STT3B: variants seen among roughly 807,000 people sequenced by gnomAD.
STT3B encodes STT3 oligosaccharyltransferase complex catalytic subunit B, also known as dolichyl-diphosphooligosaccharide--protein glycosyltransferase subunit STT3B.
A neutral mutation model predicts 96.8 loss-of-function variants in STT3B; 29 were observed. That is an observed-to-expected ratio of 0.30 (90% CI 0.22 to 0.41). The LOEUF (loss-of-function observed/expected upper bound fraction) is 0.41. Among genes scored for constraint, STT3B ranks in the 10% least tolerant of loss-of-function variants. STT3B has a pLI of 1.00. For synonymous variants in STT3B, 367 were observed against 360.0 expected (o/e 1.02, Z -0.22); for missense variants, 640 against 1,022.3 (o/e 0.63, Z 5.10).
chr3:31,537,223 T>C (rs556713050), intron 1 of STT3B, among the ~76,000 whole-genome samples: 1 of 152,334 alleles, frequency 6.6e-6, no homozygotes, highest in African/African-American at 2.4e-5. Flanking sequence ...TGATAAACCT[T>C]TGGAACATAA....
chr3:31,534,562 T>C (rs1284730754), intron 1 of STT3B, among the ~76,000 whole-genome samples: 1 of 152,150 alleles, frequency 6.6e-6, no homozygotes, highest in African/African-American at 2.4e-5. Flanking sequence ...GAGAGAGTCT[T>C]TTTTGAGAGT....
In STT3B at chr3:31,532,925, G is replaced by C; in HGVS notation, c.-74G>C. 6.8e-7 allele frequency: 1 copy of C among 1,475,284 alleles called. No individual in the cohort carries two copies. The highest frequency in any genetic ancestry group is 9.0e-7 in the Non-Finnish European group (1 of 1,115,670). The allele number at this position is 1,475,284 out of a possible 1,614,324, so 91.4% of individuals were successfully genotyped here. A position where few individuals can be genotyped will look rare whatever the true frequency, so the allele number is the denominator to read the frequency against. On this transcript the variant is annotated 5_prime_UTR_variant, in exon 1 of 16. Coordinates refer to ENST00000295770, the MANE Select transcript of STT3B (RefSeq NM_178862.3). ...CTTCCTCCTCCTCCTCCTCCTCCGG[G>C]TCCCCGCCCAGCACCCCTCGCACCA...
In STT3B at chr3:31,532,962, CGGA is replaced by C. The variant is rs1559494587; in HGVS notation, c.-29_-27del. 5 of 1,527,162 alleles carry C rather than the reference CGGA, an allele frequency of 3.3e-6. No homozygotes were observed. The highest frequency in any genetic ancestry group is 2.6e-5 in the East Asian group (1 of 38,404). The allele number at this position is 1,527,162 out of a possible 1,614,324, so 94.6% of individuals were successfully genotyped here. On this transcript the variant is annotated 5_prime_UTR_variant, in exon 1 of 16. Coordinates refer to ENST00000295770, the MANE Select transcript of STT3B (RefSeq NM_178862.3). ...CACCCCTCGCACCAGGCGGCGGCGG[CGGA>C]GGAGGAGAGCTAGACCCGCCGCCGG...
At chr3:31,635,784 A>G (rs1024695905) in intron 15 of STT3B, among the ~76,000 whole-genome samples, 200 bp from the exon 16 acceptor site, 1 of 152,166 alleles carries the variant, frequency 6.6e-6, no homozygotes, top group African/African-American at 2.4e-5. Flanking sequence ...TAGTCCTTTC[A>G]CTTTGAATGT....
intron 1 of STT3B, among the ~76,000 whole-genome samples, chr3:31,574,720 C>T (rs1342144000): frequency 2.0e-5 from 3 of 152,176 alleles, no homozygotes; most frequent in Non-Finnish European, 4.4e-5. Context: ...GGATATATTA[C>T]TCCTTTGCCT....
chr3:31,537,245 T>C (rs942580566), intron 1 of STT3B, among the ~76,000 whole-genome samples: 16 of 152,218 alleles, frequency 1.1e-4, no homozygotes, highest in African/African-American at 3.4e-4. Flanking sequence ...CTGTTAGAAG[T>C]TGGGGACTAC....
intron 11 of STT3B, 119 bp downstream of exon 11, chr3:31,623,980 A>T: frequency 1.1e-6 from 1 of 876,122 alleles, no homozygotes; most frequent in Non-Finnish European, 1.7e-6. Context: ...CTTGTTTTTA[A>T]TTTTTTATTT....
intron 3 of STT3B, among the ~76,000 whole-genome samples, chr3:31,581,517 T>A (rs900100665): frequency 6.6e-6 from 1 of 152,212 alleles, no homozygotes. Flanking sequence ...TTTTTTAATT[T>A]TGAGCACATT....
rs528737682 is a variant in STT3B, at chr3:31,599,984, G to A, written c.778-376G>A. On this transcript the variant is annotated intron_variant, in intron 4 of 15. Coordinates refer to ENST00000295770, the MANE Select transcript of STT3B (RefSeq NM_178862.3). Reference sequence around the variant, plus strand: ...TCTTACAACAAATTTGTCATAAAAAGTGGGTGAGGTAAAACCCGTTTTTTT... The same window carrying A: ...TCTTACAACAAATTTGTCATAAAAAATGGGTGAGGTAAAACCCGTTTTTTT... Among the ~76,000 whole-genome samples the A allele has an allele frequency of 1.7e-4, 26 of 152,158 alleles. No individual in the cohort carries two copies. In the South Asian group the frequency reaches 5.2e-3, roughly 30 times the overall value.
rs13081595 is a variant in STT3B, at chr3:31,579,522, A to G, written c.424-287A>G. Among the ~76,000 whole-genome samples, 135,481 of 136,628 alleles carry G rather than the reference A, an allele frequency of 0.99. 67,167 individuals are homozygous for G. Among genetic ancestry groups the G allele is most frequent in the Middle Eastern group, 1 (251 of 252 alleles). 89.6% of individuals were successfully genotyped at this position (136,628 alleles called of 152,430 possible). ...AAAAAAAAGTTAGTGGGATCAGTAAAAAAGTTACCTACAGTTAACATTGTT... is the reference window on the plus strand; with the variant it reads ...AAAAAAAAGTTAGTGGGATCAGTAAGAAAGTTACCTACAGTTAACATTGTT... On this transcript the variant is annotated intron_variant, in intron 2 of 15. Coordinates refer to ENST00000295770, the MANE Select transcript of STT3B (RefSeq NM_178862.3).
chr3:31,543,478 A>G (rs892772176), intron 1 of STT3B, among the ~76,000 whole-genome samples: 1 of 152,242 alleles, frequency 6.6e-6, no homozygotes, highest in Non-Finnish European at 1.5e-5. Flanking sequence ...GTGAGTGCAC[A>G]GTGAATATTA....
At chr3:31,615,054 G>T (rs746275604) in intron 5 of STT3B, 51 bp from the exon 6 acceptor site, 1 of 1,079,178 alleles carries the variant, frequency 9.3e-7, no homozygotes, top group South Asian at 1.4e-5. Context: ...TATGTTTTAG[G>T]TACTTAATGG....
intron 5 of STT3B, among the ~76,000 whole-genome samples, chr3:31,602,819 C>T (rs1388114938): frequency 1.3e-5 from 2 of 152,028 alleles, no homozygotes; most frequent in Non-Finnish European, 2.9e-5. Flanking sequence ...ATTCTCCACT[C>T]TACCCAACTT....
chr3:31,547,533 C>T (rs541012128), intron 1 of STT3B, among the ~76,000 whole-genome samples: 1 of 152,212 alleles, frequency 6.6e-6, no homozygotes, highest in South Asian at 2.1e-4. Flanking sequence ...GTAATCCCAG[C>T]TACTCGAGAG....
intron 1 of STT3B, among the ~76,000 whole-genome samples, chr3:31,546,644 T>C (rs1697419943): frequency 6.6e-6 from 1 of 152,202 alleles, no homozygotes; most frequent in Admixed American, 6.5e-5. Flanking sequence ...TGGAAACACT[T>C]ACCACAATGT....
intron 1 of STT3B, among the ~76,000 whole-genome samples, chr3:31,569,363 C>T (rs994744821): frequency 6.6e-6 from 1 of 152,014 alleles, no homozygotes; most frequent in Non-Finnish European, 1.5e-5. Context: ...CCATTTTTTT[C>T]CATAAATTGA....
At chr3:31,582,440 G>A (rs1040772099) in intron 3 of STT3B, among the ~76,000 whole-genome samples, 11 of 151,578 alleles carry the variant, frequency 7.3e-5, no homozygotes, top group Admixed American at 2.0e-4. Flanking sequence ...GACTACAGGC[G>A]CCTGCCACTA....
At chr3:31,563,012 G>T (rs1697918161) in intron 1 of STT3B, among the ~76,000 whole-genome samples, 1 of 152,146 alleles carries the variant, frequency 6.6e-6, no homozygotes, top group South Asian at 2.1e-4. Flanking sequence ...GTTCCAGTGG[G>T]AATGTAGACC....
chr3:31,536,652 T>G (rs1445596557), intron 1 of STT3B, among the ~76,000 whole-genome samples: 1 of 152,242 alleles, frequency 6.6e-6, no homozygotes. Flanking sequence ...TAAGGGGTGA[T>G]GTGTGATTTA....
Sources: gnomAD v4.1 joint callset for allele counts (sites outside exome capture counted in the v4.1 genomes callset) on GRCh38, gnomAD v4.1.1 for gene constraint, MANE v1.5 for transcripts, NCBI Gene and HGNC (gene_info 2026-07-23, HGNC 2026-07-21) for gene names.